The following MAPKAPK2 variants were observed in gnomAD, a reference collection of about 807,000 sequenced individuals.
MAPKAPK2 encodes MAP kinase-activated protein kinase 2.
In MAPKAPK2, 9 loss-of-function variants were observed where a neutral mutation model predicts 48.8. The observed-to-expected ratio is 0.18, with a 90% CI of 0.11 to 0.32. The LOEUF is 0.32. Among genes scored for constraint, MAPKAPK2 ranks in the 10% least tolerant of loss-of-function variants. MAPKAPK2 has a pLI of 1.00. For synonymous variants in MAPKAPK2, 202 were observed against 190.6 expected (o/e 1.06, Z -0.49); for missense variants, 331 against 498.3 (o/e 0.66, Z 3.20).
intron 1 of MAPKAPK2, among the ~76,000 whole-genome samples, chr1:206,694,457 A>AT (rs1672554321): frequency 6.6e-6 from 1 of 152,182 alleles, no homozygotes; most frequent in Non-Finnish European, 1.5e-5. Context: ...CTAAGTGTTT[A>AT]TTTTTAACTC....
At chr1:206,702,885 G>A (rs1672841592) in intron 1 of MAPKAPK2, among the ~76,000 whole-genome samples, 1 of 152,130 alleles carries the variant, frequency 6.6e-6, no homozygotes, top group South Asian at 2.1e-4. Context: ...TATCCTTCAA[G>A]GCTCATAATA....
In MAPKAPK2 at chr1:206,704,687, C is replaced by G. The variant is rs1234296365; in HGVS notation, c.279+19179C>G. On this transcript the variant is annotated intron_variant, in intron 1 of 9. Coordinates refer to ENST00000367103, the MANE Select transcript of MAPKAPK2 (RefSeq NM_032960.4). The surrounding 1 kb of genome is among the most constrained non-coding windows in gnomAD (Gnocchi z 4.3). Reference sequence around the variant, plus strand: ...GTCCCTTTTATGAAGTCTAATGGTCCTTCCAGAAGCTTCATCATCATTTGA... The same window carrying G: ...GTCCCTTTTATGAAGTCTAATGGTCGTTCCAGAAGCTTCATCATCATTTGA... 1.3e-5 allele frequency among the ~76,000 whole-genome samples: 2 copies of G among 152,160 alleles called. No homozygotes were observed. The highest frequency in any genetic ancestry group is 4.8e-5 in the African/African-American group (2 of 41,410).
chr1:206,695,567 A>AACCTCC (rs1279209527), intron 1 of MAPKAPK2, among the ~76,000 whole-genome samples: 2 of 148,576 alleles, frequency 1.3e-5, no homozygotes, highest in African/African-American at 5.0e-5. Context: ...GCATCTATCC[A>AACCTCC]TCTGCATCTT....
chr1:206,698,906 T>C (rs1201051029), intron 1 of MAPKAPK2, among the ~76,000 whole-genome samples: 2 of 152,216 alleles, frequency 1.3e-5, no homozygotes, highest in Non-Finnish European at 2.9e-5. Context: ...AATAAGTGTG[T>C]CTAACTCTAA....
chr1:206,690,788 C>A (rs1018634283), intron 1 of MAPKAPK2, among the ~76,000 whole-genome samples: 1 of 152,224 alleles, frequency 6.6e-6, no homozygotes, highest in Non-Finnish European at 1.5e-5. Context: ...GCATCTGAGC[C>A]ATTGCCCAGT....
At chr1:206,718,875 C>G (rs1290352193) in intron 1 of MAPKAPK2, among the ~76,000 whole-genome samples, 1 of 152,154 alleles carries the variant, frequency 6.6e-6, no homozygotes, top group Non-Finnish European at 1.5e-5. Flanking sequence ...CCAAATACCT[C>G]CCCAAAAATA....
intron 1 of MAPKAPK2, chr1:206,696,206 C>T: frequency 1.3e-6 from 2 of 1,483,888 alleles, no homozygotes; most frequent in East Asian, 2.3e-5. Flanking sequence ...TCTCCTTCAG[C>T]CACCTGAGGT....
intron 1 of MAPKAPK2, among the ~76,000 whole-genome samples, chr1:206,723,547 G>A (rs1673610133): frequency 6.6e-6 from 1 of 152,182 alleles, no homozygotes. Flanking sequence ...CTGAGGGCCT[G>A]GGGCCTGCTC....
chr1:206,730,794 G>A, intron 6 of MAPKAPK2, 31 bp downstream of exon 6: 1 of 1,387,436 alleles, frequency 7.2e-7, no homozygotes, highest in Non-Finnish European at 1.0e-6. Context: ...GCTGGGTGGG[G>A]CAGGGAGTCA....
intron 1 of MAPKAPK2, among the ~76,000 whole-genome samples, chr1:206,688,995 T>TC (rs768116595): frequency 1.3e-5 from 2 of 152,138 alleles, no homozygotes; most frequent in Non-Finnish European, 2.9e-5. Context: ...TTAGTTGTAT[T>TC]CCCCGGGAGG....
chr1:206,702,454 A>G (rs2102387296), intron 1 of MAPKAPK2, among the ~76,000 whole-genome samples: 1 of 152,308 alleles, frequency 6.6e-6, no homozygotes, highest in South Asian at 2.1e-4. Flanking sequence ...AGCCAGAGGA[A>G]AGGTCTGAAT....
chr1:206,695,876 G>C, intron 1 of MAPKAPK2: 2 of 568,238 alleles, frequency 3.5e-6, no homozygotes, highest in South Asian at 3.8e-5. Flanking sequence ...TGTCAGAGGG[G>C]TTGGGAGTGA....
At chr1:206,698,170 A>AAT (rs1351628277) in intron 1 of MAPKAPK2, among the ~76,000 whole-genome samples, 18 of 152,182 alleles carry the variant, frequency 1.2e-4, no homozygotes, top group Admixed American at 1.2e-3. Flanking sequence ...CAATGTTTAT[A>AAT]AATGTTTATT....
Position 206,704,407 on chromosome 1 carries a change from G to A in MAPKAPK2, c.279+18899G>A, listed in dbSNP as rs1185668094. ...GTTGCTGGAATTAGTGGTGGTGGTGGCTCAGCTCACCCAGACCATGTGTGA... is the reference window on the plus strand; with the variant it reads ...GTTGCTGGAATTAGTGGTGGTGGTGACTCAGCTCACCCAGACCATGTGTGA... On this transcript the variant is annotated intron_variant, in intron 1 of 9. Coordinates refer to ENST00000367103, the MANE Select transcript of MAPKAPK2 (RefSeq NM_032960.4). This position sits in a 1 kb window ranked among gnomAD's most constrained non-coding sequence, Gnocchi z 4.3. Among the ~76,000 whole-genome samples the A allele has an allele frequency of 6.6e-6, 1 of 152,176 alleles. No homozygotes were observed. The highest frequency in any genetic ancestry group is 1.9e-4 in the East Asian group (1 of 5,192).
chr1:206,731,626 G>T lies in MAPKAPK2; in HGVS notation c.893-14G>T. 1 of 1,609,114 alleles carries T rather than the reference G, an allele frequency of 6.2e-7. No individual in the cohort carries two copies. On this transcript the variant is annotated splice_polypyrimidine_tract_variant and intron_variant, in intron 7 of 9. Coordinates refer to ENST00000367103, the MANE Select transcript of MAPKAPK2 (RefSeq NM_032960.4). This position sits in a 1 kb window ranked among gnomAD's most constrained non-coding sequence, Gnocchi z 5.9. The stretch of plus-strand genomic sequence containing the variant: ...GACCCCTGAGCTGTCACTGCCCCCT[G>T]TCCCACCCCACAGTGAAGATGCTCA...
chr1:206,706,353 T>C (rs1031642805), intron 1 of MAPKAPK2, among the ~76,000 whole-genome samples: 1 of 151,952 alleles, frequency 6.6e-6, no homozygotes, highest in Non-Finnish European at 1.5e-5. Context: ...GTCCCTCTGA[T>C]CATTGCCTCT....
chr1:206,685,833 T>C (rs1228776665), intron 1 of MAPKAPK2, among the ~76,000 whole-genome samples: 1 of 152,040 alleles, frequency 6.6e-6, no homozygotes, highest in Non-Finnish European at 1.5e-5. Flanking sequence ...CTAATTTCAC[T>C]CCATCTCAAG....
chr1:206,699,613 TGGCTG>T (rs1183586267), intron 1 of MAPKAPK2, among the ~76,000 whole-genome samples: 1 of 152,172 alleles, frequency 6.6e-6, no homozygotes, highest in Admixed American at 6.5e-5. Flanking sequence ...GAAAAAGAAA[TGGCTG>T]GGCTAAAGCT....
intron 1 of MAPKAPK2, among the ~76,000 whole-genome samples, chr1:206,692,269 G>T (rs1461226230): frequency 6.6e-6 from 1 of 152,184 alleles, no homozygotes; most frequent in Admixed American, 6.5e-5. Flanking sequence ...TATGGATTAG[G>T]GGTTGTTCTT....
Sources: allele counts gnomAD v4.1 joint callset (sites outside exome capture counted in the v4.1 genomes callset), GRCh38; gene constraint gnomAD v4.1.1; non-coding constraint Gnocchi (gnomAD v3.1); transcripts MANE v1.5; gene names NCBI Gene and HGNC (gene_info 2026-07-23, HGNC 2026-07-21).